Variants in BLOC1S4 observed in about 807,000 individuals in gnomAD.
The protein encoded by BLOC1S4 is biogenesis of lysosomal organelles complex 1 subunit 4.
For synonymous variants in BLOC1S4, 179 were observed against 143.7 expected, an observed-to-expected ratio of 1.25 and a Z score of -1.76; for missense variants, 332 against 308.8, an observed-to-expected ratio of 1.07 and a Z score of -0.56.
In BLOC1S4 at chr4:6,717,610, A is replaced by C. The variant is rs1211292698; in HGVS notation, c.*747A>C. ...GTGGGTTGCCAATGTTTGGTTTATA[A>C]TTTAAATGTTAATAGAAATTTTGAG... On this transcript the variant is annotated 3_prime_UTR_variant, in exon 1 of 1. Coordinates refer to ENST00000320776, the MANE Select transcript of BLOC1S4 (RefSeq NM_018366.3). 1.8e-5 allele frequency: 3 copies of C among 166,484 alleles called. No homozygotes were observed. The highest frequency in any genetic ancestry group is 4.4e-5 in the Non-Finnish European group (3 of 68,092). 10.3% of individuals were successfully genotyped at this position (166,484 alleles called of 1,614,324 possible).
At position 6,716,237 on chromosome 4, in the gene BLOC1S4, G is replaced by C; in HGVS notation, c.28G>C (p.Ala10Pro). MEGSFSDGG[A>P]LPEGLAEEAE... Reference sequence around the variant, plus strand: ...GGAGGGTAGCTTTTCGGATGGCGGAGCGCTGCCGGAGGGGCTCGCGGAAGA... The same window carrying C: ...GGAGGGTAGCTTTTCGGATGGCGGACCGCTGCCGGAGGGGCTCGCGGAAGA... The change falls in exon 1 of 1, where the codon GCG becomes CCG. Residue 10 changes from alanine to proline, a missense_variant. Coordinates refer to ENST00000320776, the MANE Select transcript of BLOC1S4 (RefSeq NM_018366.3). The C allele has an allele frequency of 8.1e-7, 1 of 1,234,542 alleles. No homozygotes were observed. The allele number at this position is 1,234,542 out of a possible 1,614,324, so 76.5% of individuals were successfully genotyped here.
rs1305078846 is a variant in BLOC1S4, at chr4:6,717,650, A to G, written c.*787A>G. Reference sequence around the variant, plus strand: ...GAAATTTTGAGTTTTATTGGAAATGATTTCCTTCTGAAAAGAGCTTTACGT... The same window carrying G: ...GAAATTTTGAGTTTTATTGGAAATGGTTTCCTTCTGAAAAGAGCTTTACGT... On this transcript the variant is annotated 3_prime_UTR_variant, in exon 1 of 1. Transcript: ENST00000320776. 1.8e-5 allele frequency: 3 copies of G among 166,632 alleles called. No individual in the cohort carries two copies. The highest frequency in any genetic ancestry group is 7.2e-5 in the African/African-American group (3 of 41,392). 10.3% of individuals were successfully genotyped at this position (166,632 alleles called of 1,614,324 possible). A position where few individuals can be genotyped will look rare whatever the true frequency, so the allele number is the denominator to read the frequency against.
At position 6,717,047 on chromosome 4, in the gene BLOC1S4, A is replaced by C; in HGVS notation, c.*184A>C. The C allele has an allele frequency of 1.6e-6, 1 of 620,688 alleles. No individual in the cohort carries two copies. The highest frequency in any genetic ancestry group is 2.7e-6 in the Non-Finnish European group (1 of 367,276). 38.4% of individuals were successfully genotyped at this position (620,688 alleles called of 1,614,324 possible). ...GAATGTATAGACTTTATGTCTTCCAAGTTTAAAAAAAGAGACAGGGTCTTG... is the reference window on the plus strand; with the variant it reads ...GAATGTATAGACTTTATGTCTTCCACGTTTAAAAAAAGAGACAGGGTCTTG... On this transcript the variant is annotated 3_prime_UTR_variant, in exon 1 of 1. Transcript: ENST00000320776.
At position 6,716,204 on chromosome 4, in the gene BLOC1S4, C is replaced by G; in HGVS notation, c.-6C>G. 8.1e-7 allele frequency: 1 copy of G among 1,232,944 alleles called. No homozygotes were observed. The highest frequency in any genetic ancestry group is 1.0e-6 in the Non-Finnish European group (1 of 986,948). 76.4% of individuals were successfully genotyped at this position (1,232,944 alleles called of 1,614,324 possible). On this transcript the variant is annotated 5_prime_UTR_variant, in exon 1 of 1. Coordinates refer to ENST00000320776, the MANE Select transcript of BLOC1S4 (RefSeq NM_018366.3). Reference sequence around the variant, plus strand: ...CGAGCGCTGCGCAGTCGGGTGGTCGCGGGCCATGGAGGGTAGCTTTTCGGA... The same window carrying G: ...CGAGCGCTGCGCAGTCGGGTGGTCGGGGGCCATGGAGGGTAGCTTTTCGGA...
In BLOC1S4 at chr4:6,716,758, TAGCAAGTCTGCTCCCTCGAGGCCAC is replaced by T; in HGVS notation, c.556_580del (p.Ser186ProfsTer43). 6.2e-7 allele frequency: 1 copy of T among 1,613,950 alleles called. No individual in the cohort carries two copies. The highest frequency in any genetic ancestry group is 8.5e-7 in the Non-Finnish European group (1 of 1,179,922). On this transcript the variant is annotated frameshift_variant, in exon 1 of 1. Transcript: ENST00000320776. LOFTEE classifies it low-confidence loss of function (END_TRUNC). ...ACACGATGAACGTGCCCTCGCTCTT[TAGCAAGTCTGCTCCCTCGAGGCCAC>T]AGCAAGCCGGCTACGAAGCCCCCGT... is the stretch of plus-strand genomic sequence containing the variant.
In BLOC1S4 at chr4:6,716,917, G is replaced by C. The variant is rs867888766; in HGVS notation, c.*54G>C. 2.8e-6 allele frequency: 4 copies of C among 1,451,680 alleles called. 1 individual carries two copies. The Middle Eastern group carries it at 7.3e-4, about 264-fold the overall frequency. 89.9% of individuals were successfully genotyped at this position (1,451,680 alleles called of 1,614,324 possible). ...CAGCTGGGGTGCTTACCTCCAGTAT[G>C]AAGTGAATTGCAAATCCTGCTTATG... On this transcript the variant is annotated 3_prime_UTR_variant, in exon 1 of 1. Coordinates refer to ENST00000320776, the MANE Select transcript of BLOC1S4 (RefSeq NM_018366.3).
In BLOC1S4 at chr4:6,716,758, TAGC is replaced by T; in HGVS notation, c.551_553del (p.Ser184del). 5.0e-6 allele frequency: 8 copies of T among 1,613,950 alleles called. No individual in the cohort carries two copies. Among genetic ancestry groups the T allele is most frequent in the Non-Finnish European group, 5.9e-6 (7 of 1,179,922 alleles). On this transcript the variant is annotated inframe_deletion, in exon 1 of 1. Transcript: ENST00000320776. ...ACACGATGAACGTGCCCTCGCTCTT[TAGC>T]AAGTCTGCTCCCTCGAGGCCACAGC...
Position 6,716,512 on chromosome 4 carries a change from C to T in BLOC1S4, c.303C>T (p.Gly101=). 1.3e-6 allele frequency: 2 copies of T among 1,541,452 alleles called. No individual in the cohort carries two copies. Among genetic ancestry groups the T allele is most frequent in the Non-Finnish European group, 1.7e-6 (2 of 1,148,020 alleles). The stretch of plus-strand genomic sequence containing the variant: ...TTACCAGAGTGGACGAGTTCGTGGG[C>T]ATGCTGGACATGCTTCGCGGCGACT... ...DLLTRVDEFV[G]MLDMLRGDSS... is the part of the protein sequence containing the mutation. Residue 101 remains glycine, a synonymous_variant, in exon 1 of 1, where the codon GGC becomes GGT. Coordinates refer to ENST00000320776, the MANE Select transcript of BLOC1S4 (RefSeq NM_018366.3).
Position 6,716,771 on chromosome 4 carries a change from C to G in BLOC1S4, c.562C>G (p.Pro188Ala). The G allele has an allele frequency of 6.2e-7, 1 of 1,613,978 alleles. No homozygotes were observed. The highest frequency in any genetic ancestry group is 8.5e-7 in the Non-Finnish European group (1 of 1,179,936). Residue 188 changes from proline (P) to alanine (A), a missense_variant, in exon 1 of 1, where the codon CCC (proline) becomes GCC (alanine). Transcript: ENST00000320776. Reference protein sequence around the residue: ...NVPSLFSKSAPSRPQQAGYEA... With the variant: ...NVPSLFSKSAASRPQQAGYEA... Reference sequence around the variant, plus strand: ...GCCCTCGCTCTTTAGCAAGTCTGCTCCCTCGAGGCCACAGCAAGCCGGCTA... The same window carrying G: ...GCCCTCGCTCTTTAGCAAGTCTGCTGCCTCGAGGCCACAGCAAGCCGGCTA...
Position 6,716,934 on chromosome 4 carries a change from C to A in BLOC1S4, c.*71C>A. 7.5e-7 allele frequency: 1 copy of A among 1,338,704 alleles called. No homozygotes were observed. Among genetic ancestry groups the A allele is most frequent in the Non-Finnish European group, 1.0e-6 (1 of 987,322 alleles). 82.9% of individuals were successfully genotyped at this position (1,338,704 alleles called of 1,614,324 possible). ...TCCAGTATGAAGTGAATTGCAAATC[C>A]TGCTTATGGACATATATGATGTTGG... On this transcript the variant is annotated 3_prime_UTR_variant, in exon 1 of 1. Transcript: ENST00000320776.
At position 6,716,953 on chromosome 4, in the gene BLOC1S4, A is replaced by G; in HGVS notation, c.*90A>G. 1.7e-6 allele frequency: 2 copies of G among 1,179,158 alleles called. No individual in the cohort carries two copies. The highest frequency in any genetic ancestry group is 3.2e-5 in the South Asian group (2 of 62,118). 73.0% of individuals were successfully genotyped at this position (1,179,158 alleles called of 1,614,324 possible). On this transcript the variant is annotated 3_prime_UTR_variant, in exon 1 of 1. Coordinates refer to ENST00000320776, the MANE Select transcript of BLOC1S4 (RefSeq NM_018366.3). ...CAAATCCTGCTTATGGACATATATGATGTTGGAGTGTGGGATTTTAAAGTT... is the reference window on the plus strand; with the variant it reads ...CAAATCCTGCTTATGGACATATATGGTGTTGGAGTGTGGGATTTTAAAGTT...
Position 6,717,112 on chromosome 4 carries a change from T to G in BLOC1S4, c.*249T>G. ...CTGTTCGGAAACTCCTGGGCTCAAG[T>G]GATCCTTCCACCTCAGCCTCCCCAG... is the stretch of plus-strand genomic sequence containing the variant. On this transcript the variant is annotated 3_prime_UTR_variant, in exon 1 of 1. Transcript: ENST00000320776. 1 of 355,738 alleles carries G rather than the reference T, an allele frequency of 2.8e-6. No individual in the cohort carries two copies. Among genetic ancestry groups the G allele is most frequent in the Non-Finnish European group, 5.4e-6 (1 of 186,142 alleles). The allele number at this position is 355,738 out of a possible 1,614,324, so 22.0% of individuals were successfully genotyped here. A position where few individuals can be genotyped will look rare whatever the true frequency, so the allele number is the denominator to read the frequency against.
In BLOC1S4 at chr4:6,717,120, C is replaced by G; in HGVS notation, c.*257C>G. ...AAACTCCTGGGCTCAAGTGATCCTT[C>G]CACCTCAGCCTCCCCAGTAGCTGGG... On this transcript the variant is annotated 3_prime_UTR_variant, in exon 1 of 1. Coordinates refer to ENST00000320776, the MANE Select transcript of BLOC1S4 (RefSeq NM_018366.3). 3.0e-6 allele frequency: 1 copy of G among 328,000 alleles called. No individual in the cohort carries two copies. The highest frequency in any genetic ancestry group is 5.9e-6 in the Non-Finnish European group (1 of 168,614). The allele number at this position is 328,000 out of a possible 1,614,324, so 20.3% of individuals were successfully genotyped here.
rs559242705 is a variant in BLOC1S4, at chr4:6,716,267, G to A, written c.58G>A (p.Glu20Lys). 6.5e-6 allele frequency: 8 copies of A among 1,233,674 alleles called. No homozygotes were observed. The highest frequency in any genetic ancestry group is 8.4e-5 in the Admixed American group (2 of 23,678). The allele number at this position is 1,233,674 out of a possible 1,614,324, so 76.4% of individuals were successfully genotyped here. A position where few individuals can be genotyped will look rare whatever the true frequency, so the allele number is the denominator to read the frequency against. Residue 20 changes from glutamate to lysine, a missense_variant, in exon 1 of 1, where the codon GAG becomes AAG. Coordinates refer to ENST00000320776, the MANE Select transcript of BLOC1S4 (RefSeq NM_018366.3). The stretch of plus-strand genomic sequence containing the variant: ...GCCGGAGGGGCTCGCGGAAGAGGCC[G>A]AGCCGCAGGGCGCCGCCTGGAGCGG... The part of the protein sequence containing the change: ...ALPEGLAEEA[E>K]PQGAAWSGDS...
In BLOC1S4 at chr4:6,717,261, G is replaced by T. The variant is rs1043737956; in HGVS notation, c.*398G>T. 1 of 173,154 alleles carries T rather than the reference G, an allele frequency of 5.8e-6. No individual in the cohort carries two copies. The highest frequency in any genetic ancestry group is 1.4e-5 in the Non-Finnish European group (1 of 72,364). 10.7% of individuals were successfully genotyped at this position (173,154 alleles called of 1,614,324 possible). A position where few individuals can be genotyped will look rare whatever the true frequency, so the allele number is the denominator to read the frequency against. On this transcript the variant is annotated 3_prime_UTR_variant, in exon 1 of 1. Coordinates refer to ENST00000320776, the MANE Select transcript of BLOC1S4 (RefSeq NM_018366.3). ...CTTTTCTCTGCACTGTGGCAAAACT[G>T]TTATTTTTATGGATTTTACTAAATG...
chr4:6,717,035 TTA>T lies in BLOC1S4; in HGVS notation c.*174_*175del, dbSNP rs1319283323. 2 of 639,786 alleles carry T rather than the reference TTA, an allele frequency of 3.1e-6. No individual in the cohort carries two copies. Among genetic ancestry groups the T allele is most frequent in the Non-Finnish European group, 5.2e-6 (2 of 382,198 alleles). 39.6% of individuals were successfully genotyped at this position (639,786 alleles called of 1,614,324 possible). ...TGATTCAGTGTAGAATGTATAGACT[TTA>T]TGTCTTCCAAGTTTAAAAAAAGAGA... On this transcript the variant is annotated 3_prime_UTR_variant, in exon 1 of 1. Coordinates refer to ENST00000320776, the MANE Select transcript of BLOC1S4 (RefSeq NM_018366.3).
chr4:6,716,356 G>A lies in BLOC1S4; in HGVS notation c.147G>A (p.Ala49=). The change falls in exon 1 of 1, where the codon GCG becomes GCA. Residue 49 remains alanine (A), a synonymous_variant. Transcript: ENST00000320776. ...CGGGGCCGTGGGAGGACGAGGGCGC[G>A]GAGGACGGCGCGCCGGGCCGCGACC... ...SASGPWEDEG[A]EDGAPGRDLP... The A allele has an allele frequency of 1.6e-6, 2 of 1,236,328 alleles. No homozygotes were observed. The highest frequency in any genetic ancestry group is 2.0e-6 in the Non-Finnish European group (2 of 992,696). The allele number at this position is 1,236,328 out of a possible 1,614,324, so 76.6% of individuals were successfully genotyped here. A position where few individuals can be genotyped will look rare whatever the true frequency, so the allele number is the denominator to read the frequency against.
chr4:6,716,942 G>T lies in BLOC1S4; in HGVS notation c.*79G>T. On this transcript the variant is annotated 3_prime_UTR_variant, in exon 1 of 1. Coordinates refer to ENST00000320776, the MANE Select transcript of BLOC1S4 (RefSeq NM_018366.3). Reference sequence around the variant, plus strand: ...GAAGTGAATTGCAAATCCTGCTTATGGACATATATGATGTTGGAGTGTGGG... The same window carrying T: ...GAAGTGAATTGCAAATCCTGCTTATTGACATATATGATGTTGGAGTGTGGG... 7.9e-7 allele frequency: 1 copy of T among 1,269,020 alleles called. No individual in the cohort carries two copies. Among genetic ancestry groups the T allele is most frequent in the South Asian group, 1.5e-5 (1 of 65,466 alleles). 78.6% of individuals were successfully genotyped at this position (1,269,020 alleles called of 1,614,324 possible).
rs770004611 is a variant in BLOC1S4 at position 6,716,564 on chromosome 4, C to T, written c.355C>T (p.Pro119Ser). The T allele has an allele frequency of 1.7e-5, 27 of 1,580,426 alleles. No homozygotes were observed. In the East Asian group the frequency reaches 3.5e-4, roughly 20 times the overall value. The part of the protein sequence containing the change: ...DSSHVVSEGV[P>S]RIHAKAAEMR... ...GTCCCACGTCGTCAGCGAGGGCGTG[C>T]CGCGCATCCACGCGAAGGCCGCCGA... The change falls in exon 1 of 1, where the codon CCG becomes TCG. Residue 119 changes from proline to serine, a missense_variant. Transcript: ENST00000320776.
Sources: allele counts gnomAD v4.1 joint callset, GRCh38; gene constraint gnomAD v4.1.1; transcripts MANE v1.5; gene names NCBI Gene and HGNC (gene_info 2026-07-23, HGNC 2026-07-21).